LRRFIP1: variants seen among roughly 807,000 people sequenced by gnomAD.
LRRFIP1 encodes the protein leucine-rich repeat flightless-interacting protein 1.
LRRFIP1 carries 62 observed loss-of-function variants against 104.4 expected under a neutral mutation model. The observed-to-expected ratio is 0.59, with a 90% confidence interval of 0.48 to 0.73. The LOEUF (loss-of-function observed/expected upper bound fraction) is 0.73, where lower values mean the gene tolerates loss of function less well. Ranked by LOEUF, LRRFIP1 falls within the 30% of genes least tolerant of loss-of-function variation. The pLI is 0.00. For synonymous variants in LRRFIP1, 300 were observed against 299.0 expected (o/e 1.00, Z -0.03); for missense variants, 796 against 824.5 (o/e 0.97, Z 0.42).
rs372911054 is a variant in LRRFIP1 at position 237,740,416 on chromosome 2, G to GAAAACA, written c.633+1125_633+1130dup. Reference sequence around the variant, plus strand: ...ACAACAGAGTGAGACCCTGCCTCTAGAAAACAAAAACAAAAACAAAAACTT... The same window carrying GAAAACA: ...ACAACAGAGTGAGACCCTGCCTCTAGAAAACAAAAACAAAAACAAAAACAAAAACTT... On this transcript the variant is annotated intron_variant, in intron 11 of 23. Coordinates refer to ENST00000308482, the MANE Select transcript of LRRFIP1 (RefSeq NM_001137550.2). Among the ~76,000 whole-genome samples, 1,276 of 151,672 alleles carry GAAAACA rather than the reference G, an allele frequency of 8.4e-3. 20 individuals carry two copies. The highest frequency in any genetic ancestry group is 0.029 in the African/African-American group (1,184 of 41,322).
chr2:237,755,357 A>G (rs1456660437), intron 15 of LRRFIP1, among the ~76,000 whole-genome samples: 4 of 152,198 alleles, frequency 2.6e-5, no homozygotes, highest in Non-Finnish European at 5.9e-5. Flanking sequence ...GAGATGCTTT[A>G]GTAGGCCATG....
In LRRFIP1 at chr2:237,681,423, G is replaced by A. The variant is rs192577233; in HGVS notation, c.97-27121G>A. ...GTTCTGTGACCCAGGCTGGAGTACA[G>A]TGGTGTGATCTTGGCTCACTGCAAC... On this transcript the variant is annotated intron_variant, in intron 1 of 23. Coordinates refer to ENST00000308482, the MANE Select transcript of LRRFIP1 (RefSeq NM_001137550.2). Among the ~76,000 whole-genome samples the A allele has an allele frequency of 3.6e-4, 55 of 152,114 alleles. 2 individuals are homozygous for A. The East Asian group carries it at 0.01, about 29-fold the overall frequency.
rs3769107 is a variant in LRRFIP1 at position 237,693,440 on chromosome 2, T to G, written c.97-15104T>G. Among the ~76,000 whole-genome samples, 469 of 152,326 alleles carry G rather than the reference T, an allele frequency of 3.1e-3. 11 individuals are homozygous for G. In the East Asian group the frequency reaches 0.046, roughly 15 times the overall value. ...GGTGTAGAAGTAGAGTCTGATGAAC[T>G]CATACTGAAAAGCCAGTTCTTTGCT... On this transcript the variant is annotated intron_variant, in intron 1 of 23. Transcript: ENST00000308482.
intron 1 of LRRFIP1, among the ~76,000 whole-genome samples, chr2:237,654,249 G>A (rs756773882): frequency 4.0e-5 from 6 of 151,438 alleles, no homozygotes; most frequent in East Asian, 3.9e-4. Flanking sequence ...CAATAGATAC[G>A]TGAAAAAAAA....
chr2:237,749,191 C>A lies in LRRFIP1; in HGVS notation c.670-8C>A. ...CCATATCAGCATGTGATCCTCTCAA[C>A]GTTCCAGGGGTCTCGTAACATGCCG... On this transcript the variant is annotated splice_polypyrimidine_tract_variant and splice_region_variant and intron_variant, in intron 12 of 23. Coordinates refer to ENST00000308482, the MANE Select transcript of LRRFIP1 (RefSeq NM_001137550.2). 1 of 1,611,918 alleles carries A rather than the reference C, an allele frequency of 6.2e-7. No homozygotes were observed. Among genetic ancestry groups the A allele is most frequent in the Non-Finnish European group, 8.5e-7 (1 of 1,179,580 alleles).
At position 237,691,449 on chromosome 2, in the gene LRRFIP1, A is replaced by G. The variant is rs2092745293; in HGVS notation, c.97-17095A>G. On this transcript the variant is annotated intron_variant, in intron 1 of 23. Transcript: ENST00000308482. The surrounding 1 kb of genome is among the most constrained non-coding windows in gnomAD (Gnocchi z 5.4). The stretch of plus-strand genomic sequence containing the variant: ...ATCGGCCCCAGCGGCCCGCACCCGC[A>G]CCCTGCAAGCTCGTTCTCCCCTGCG... Among the ~76,000 whole-genome samples the G allele has an allele frequency of 6.6e-6, 1 of 151,960 alleles. No individual in the cohort carries two copies. Among genetic ancestry groups the G allele is most frequent in the Non-Finnish European group, 1.5e-5 (1 of 67,996 alleles).
chr2:237,778,171 T>C (rs1345506028), intron 23 of LRRFIP1, among the ~76,000 whole-genome samples: 2 of 152,234 alleles, frequency 1.3e-5, no homozygotes, highest in Non-Finnish European at 2.9e-5. Flanking sequence ...GAGCTTATGC[T>C]TGATTTTAAT....
Position 237,717,462 on chromosome 2 carries a change from T to C in LRRFIP1, c.202-300T>C, listed in dbSNP as rs1281758354. 1.3e-5 allele frequency among the ~76,000 whole-genome samples: 2 copies of C among 152,234 alleles called. No homozygotes were observed. The highest frequency in any genetic ancestry group is 2.9e-5 in the Non-Finnish European group (2 of 68,046). Reference sequence around the variant, plus strand: ...GGCGTGAAGGCTGCTGGGCCGGCTTTACTGTCCTGCTCTCCCCCGAGGCCC... The same window carrying C: ...GGCGTGAAGGCTGCTGGGCCGGCTTCACTGTCCTGCTCTCCCCCGAGGCCC... On this transcript the variant is annotated intron_variant, in intron 3 of 23. Coordinates refer to ENST00000308482, the MANE Select transcript of LRRFIP1 (RefSeq NM_001137550.2). This position sits in a 1 kb window ranked among gnomAD's most constrained non-coding sequence, Gnocchi z 4.2.
At chr2:237,652,983 C>T (rs572697803) in intron 1 of LRRFIP1, among the ~76,000 whole-genome samples, 23 of 152,168 alleles carry the variant, frequency 1.5e-4, no homozygotes, top group South Asian at 4.1e-4. Flanking sequence ...TGAGTTCTCC[C>T]GAGATCTGGT....
At chr2:237,747,817 C>T (rs2058074058) in intron 11 of LRRFIP1, among the ~76,000 whole-genome samples, 1 of 151,908 alleles carries the variant, frequency 6.6e-6, no homozygotes, top group Admixed American at 6.6e-5. Context: ...TCTCAGTGGG[C>T]TTATGATAAG....
In LRRFIP1 at chr2:237,780,203, A is replaced by G. The variant is rs1453544058; in HGVS notation, c.*671A>G. ...GTAATTAGGCAATAGCTTCACTGAAAATGACAGCTTTTCATTGCATTATTT... is the reference window on the plus strand; with the variant it reads ...GTAATTAGGCAATAGCTTCACTGAAGATGACAGCTTTTCATTGCATTATTT... On this transcript the variant is annotated 3_prime_UTR_variant, in exon 24 of 24. Coordinates refer to ENST00000308482, the MANE Select transcript of LRRFIP1 (RefSeq NM_001137550.2). 6.6e-6 allele frequency: 1 copy of G among 152,226 alleles called. No individual in the cohort carries two copies. The highest frequency in any genetic ancestry group is 1.5e-5 in the Non-Finnish European group (1 of 68,050). The allele number at this position is 152,226 out of a possible 1,614,324, so 9.4% of individuals were successfully genotyped here. A position where few individuals can be genotyped will look rare whatever the true frequency, so the allele number is the denominator to read the frequency against.
At chr2:237,758,212 C>T (rs1440938796) in intron 17 of LRRFIP1, among the ~76,000 whole-genome samples, 1 of 147,752 alleles carries the variant, frequency 6.8e-6, no homozygotes, top group Non-Finnish European at 1.5e-5. Context: ...TCACGCTCAT[C>T]AGCACTTAGG....
At chr2:237,669,632 G>A (rs1007461495) in intron 1 of LRRFIP1, among the ~76,000 whole-genome samples, 10 of 152,200 alleles carry the variant, frequency 6.6e-5, no homozygotes, top group African/African-American at 1.4e-4. Flanking sequence ...GTTTCCTGCC[G>A]GGCTTTCTCT....
rs997854294 is a variant in LRRFIP1, at chr2:237,757,365, C to T, written c.1132-91C>T. The T allele has an allele frequency of 6.5e-6, 5 of 774,714 alleles. No individual in the cohort carries two copies. The South Asian group carries it at 6.6e-5, about 10-fold the overall frequency. 48.0% of individuals were successfully genotyped at this position (774,714 alleles called of 1,614,324 possible). On this transcript the variant is annotated intron_variant, in intron 16 of 23. Coordinates refer to ENST00000308482, the MANE Select transcript of LRRFIP1 (RefSeq NM_001137550.2). Reference sequence around the variant, plus strand: ...AGGTGAAAGAGTGCTTGCGGCCTCACTCACTGTCCCAGCTCTCAGGTTCTC... The same window carrying T: ...AGGTGAAAGAGTGCTTGCGGCCTCATTCACTGTCCCAGCTCTCAGGTTCTC...
At chr2:237,634,553 C>T (rs2082830536) in intron 1 of LRRFIP1, among the ~76,000 whole-genome samples, 1 of 152,190 alleles carries the variant, frequency 6.6e-6, no homozygotes, top group African/African-American at 2.4e-5. Flanking sequence ...TAGGAGTATA[C>T]TTCACCCAGG....
chr2:237,729,471 C>T (rs142767351), intron 8 of LRRFIP1, among the ~76,000 whole-genome samples: 1 of 143,474 alleles, frequency 7.0e-6, no homozygotes, highest in East Asian at 2.0e-4. Context: ...TTACTGACAA[C>T]GCAGTGTGAA....
intron 3 of LRRFIP1, among the ~76,000 whole-genome samples, chr2:237,715,131 A>T (rs756774192): frequency 6.6e-6 from 1 of 152,192 alleles, no homozygotes; most frequent in Admixed American, 6.5e-5. Context: ...TAAATTTAAG[A>T]GCCTGTTGTG....
chr2:237,706,496 C>T (rs993325639), intron 1 of LRRFIP1, among the ~76,000 whole-genome samples: 3 of 152,210 alleles, frequency 2.0e-5, no homozygotes. Flanking sequence ...CACAGAGCCA[C>T]CTGCCTTACC....
chr2:237,688,842 C>T (rs1051723863), intron 1 of LRRFIP1, among the ~76,000 whole-genome samples: 7 of 151,852 alleles, frequency 4.6e-5, no homozygotes, highest in Admixed American at 1.3e-4. Flanking sequence ...GTTTTGTCTT[C>T]GAGGTGTATG....
Sources: gnomAD v4.1 joint callset for allele counts (sites outside exome capture counted in the v4.1 genomes callset) on GRCh38, gnomAD v4.1.1 for gene constraint, Gnocchi (gnomAD v3.1) non-coding constraint, MANE v1.5 for transcripts, NCBI Gene and HGNC (gene_info 2026-07-23, HGNC 2026-07-21) for gene names.